Variants in FSTL1 observed in about 807,000 individuals in gnomAD.
The protein encoded by FSTL1 is follistatin-related protein 1.
A neutral mutation model predicts 45.9 loss-of-function variants in FSTL1; 24 were observed. The observed-to-expected ratio is 0.52, with a 90% CI of 0.38 to 0.74. The LOEUF (loss-of-function observed/expected upper bound fraction) is 0.74, where lower values mean the gene tolerates loss of function less well. Ranked by LOEUF, FSTL1 falls within the 30% of genes least tolerant of loss-of-function variation. The pLI, the probability that FSTL1 is intolerant of heterozygous loss-of-function variation, is 0.00. For missense variants in FSTL1, 340 were observed against 381.8 expected, an observed-to-expected ratio of 0.89 and a Z score of 0.91; for synonymous variants, 120 against 137.6, an observed-to-expected ratio of 0.87 and a Z score of 0.89.
intron 7 of FSTL1, among the ~76,000 whole-genome samples, chr3:120,403,942 A>C (rs1375867747): frequency 8.4e-6 from 1 of 119,356 alleles, no homozygotes; most frequent in African/African-American, 3.4e-5. Context: ...AAAAAAAAAA[A>C]AACAAAAACA....
intron 2 of FSTL1, among the ~76,000 whole-genome samples, chr3:120,426,820 G>A (rs1446356329): frequency 2.0e-5 from 3 of 151,994 alleles, no homozygotes; most frequent in African/African-American, 7.3e-5. Flanking sequence ...CTCTCTCCTG[G>A]GTGACTTCAT....
rs149959883 is a variant in FSTL1, at chr3:120,439,443, G to A, written c.63+11241C>T. Reference sequence around the variant, plus strand: ...ATGTCTATCATCTCTGCTTATCTATGAGGAAAATCCACAAAAACACAGAAC... The same window carrying A: ...ATGTCTATCATCTCTGCTTATCTATAAGGAAAATCCACAAAAACACAGAAC... On this transcript the variant is annotated intron_variant, in intron 2 of 10. Transcript: ENST00000295633. 3.3e-5 allele frequency among the ~76,000 whole-genome samples: 5 copies of A among 152,324 alleles called. No homozygotes were observed. In the East Asian group the frequency reaches 5.8e-4, roughly 18 times the overall value.
chr3:120,407,711 T>TATC (rs1936974273), intron 6 of FSTL1, among the ~76,000 whole-genome samples: 1 of 152,208 alleles, frequency 6.6e-6, no homozygotes, highest in Non-Finnish European at 1.5e-5. Context: ...AAGACTCTGA[T>TATC]AATCATCAAA....
chr3:120,430,684 T>C (rs990722128), intron 2 of FSTL1, among the ~76,000 whole-genome samples: 6 of 152,188 alleles, frequency 3.9e-5, no homozygotes, highest in African/African-American at 1.4e-4. Context: ...AACATGGAAA[T>C]AGATGAAATC....
chr3:120,440,984 C>G (rs2107671289), intron 2 of FSTL1, among the ~76,000 whole-genome samples: 1 of 152,314 alleles, frequency 6.6e-6, no homozygotes, highest in South Asian at 2.1e-4. Flanking sequence ...AGCAGCCCCT[C>G]CCTAGTGGGA....
chr3:120,423,991 A>G (rs1177051404), intron 2 of FSTL1: 2 of 152,240 alleles, frequency 1.3e-5, no homozygotes, highest in Admixed American at 6.5e-5. Flanking sequence ...TTGAAGGCCA[A>G]TGTAGAGAGT....
intron 2 of FSTL1, chr3:120,421,042 T>C (rs1937270439): frequency 6.6e-6 from 1 of 152,170 alleles, no homozygotes; most frequent in African/African-American, 2.4e-5. Flanking sequence ...TGCATCTGAG[T>C]CTCTGGGCCA....
In FSTL1 at chr3:120,403,338, C is replaced by T; in HGVS notation, c.598G>A (p.Ala200Thr). Reference protein sequence around the residue: ...NKLLRGLCVDALIELSDENAD... With the variant: ...NKLLRGLCVDTLIELSDENAD... ...TTTTCATCAGACAGTTCAATGAGAG[C>T]ATCAACACAGAGTCCCCTGAAACAA... The change falls in exon 8 of 11, where the codon GCT becomes ACT. Residue 200 changes from alanine (A) to threonine (T), a missense_variant. Coordinates refer to ENST00000295633, the MANE Select transcript of FSTL1 (RefSeq NM_007085.5). 6.2e-7 allele frequency: 1 copy of T among 1,603,810 alleles called. No homozygotes were observed. Among genetic ancestry groups the T allele is most frequent in the South Asian group, 1.1e-5 (1 of 90,864 alleles).
At chr3:120,438,190 G>T (rs1415116690) in intron 2 of FSTL1, 1 of 152,212 alleles carries the variant, frequency 6.6e-6, no homozygotes, top group Non-Finnish European at 1.5e-5. Context: ...GCGAGAAAAA[G>T]TTTTGTTTGC....
intron 9 of FSTL1, among the ~76,000 whole-genome samples, chr3:120,400,385 G>A (rs989552364): frequency 7.9e-5 from 12 of 152,244 alleles, no homozygotes; most frequent in African/African-American, 2.9e-4. Flanking sequence ...TTTAATTGAT[G>A]TGAGGTGAGA....
At position 120,415,872 on chromosome 3, in the gene FSTL1, T is replaced by TA. The variant is rs771037456; in HGVS notation, c.168+50dup. The TA allele has an allele frequency of 2.6e-5, 26 of 993,614 alleles. 1 individual carries two copies. The highest frequency in any genetic ancestry group is 4.0e-5 in the Non-Finnish European group (25 of 626,950). The allele number at this position is 993,614 out of a possible 1,614,324, so 61.5% of individuals were successfully genotyped here. A position where few individuals can be genotyped will look rare whatever the true frequency, so the allele number is the denominator to read the frequency against. On this transcript the variant is annotated intron_variant, in intron 3 of 10. Transcript: ENST00000295633. Reference sequence around the variant, plus strand: ...CCTGCTGATGGGTGGCTCCGCAAGGTACCACATTGGCCTTGGCCACTGTCC... The same window carrying TA: ...CCTGCTGATGGGTGGCTCCGCAAGGTAACCACATTGGCCTTGGCCACTGTCC...
intron 3 of FSTL1, among the ~76,000 whole-genome samples, chr3:120,412,946 C>T (rs1169294307): frequency 2.0e-5 from 3 of 151,750 alleles, no homozygotes; most frequent in Non-Finnish European, 2.9e-5. Flanking sequence ...CTTTGTTTTC[C>T]TCCTGATCTC....
intron 6 of FSTL1, among the ~76,000 whole-genome samples, chr3:120,407,314 G>A (rs1487373302): frequency 1.3e-5 from 2 of 152,192 alleles, no homozygotes; most frequent in Non-Finnish European, 2.9e-5. Context: ...CAGGGTAAAG[G>A]AGATAAGAAG....
rs1937595057 is a variant in FSTL1, at chr3:120,438,608, GTAGAATATTTTGACAGTCTAGCC to G, written c.63+12053_63+12075del. Reference sequence around the variant, plus strand: ...TAATCAAATATCCCAATTCCATTAAGTAGAATATTTTGACAGTCTAGCCTAGAATATCCGCCTCCTTTTATATG... The same window carrying G: ...TAATCAAATATCCCAATTCCATTAAGTAGAATATCCGCCTCCTTTTATATG... On this transcript the variant is annotated intron_variant, in intron 2 of 10. Transcript: ENST00000295633. 2.0e-5 allele frequency: 3 copies of G among 152,332 alleles called. No individual in the cohort carries two copies. The South Asian group carries it at 6.2e-4, about 32-fold the overall frequency. The allele number at this position is 152,332 out of a possible 1,614,324, so 9.4% of individuals were successfully genotyped here.
At chr3:120,433,407 T>C (rs1490800191) in intron 2 of FSTL1, among the ~76,000 whole-genome samples, 3 of 152,236 alleles carry the variant, frequency 2.0e-5, no homozygotes, top group Non-Finnish European at 4.4e-5. Context: ...GAGATGACTA[T>C]CATTAAGATA....
At chr3:120,449,318 A>G (rs530962878) in intron 2 of FSTL1, among the ~76,000 whole-genome samples, 1 of 152,350 alleles carries the variant, frequency 6.6e-6, no homozygotes, top group East Asian at 1.9e-4. Context: ...GGTAACGTAC[A>G]CAGCCCAGTG....
chr3:120,439,698 G>T (rs1937608565), intron 2 of FSTL1, among the ~76,000 whole-genome samples: 2 of 152,236 alleles, frequency 1.3e-5, no homozygotes, highest in South Asian at 2.1e-4. Flanking sequence ...CACTTGTGCA[G>T]TGAACAGTCT....
intron 9 of FSTL1, among the ~76,000 whole-genome samples, chr3:120,402,493 A>C (rs1002804314): frequency 6.6e-6 from 1 of 151,820 alleles, no homozygotes; most frequent in Non-Finnish European, 1.5e-5. Flanking sequence ...TTTAATTATT[A>C]TTCCATTATT....
Position 120,395,900 on chromosome 3 carries a change from C to G in FSTL1, c.*1052G>C. ...ATATCCTAAGCCCTGCTTGGCTGCC[C>G]TTGTCGCCATCCTTGGGAATACTGA... On this transcript the variant is annotated 3_prime_UTR_variant, in exon 11 of 11. Coordinates refer to ENST00000295633, the MANE Select transcript of FSTL1 (RefSeq NM_007085.5). The G allele has an allele frequency of 6.0e-6, 2 of 333,514 alleles. No individual in the cohort carries two copies. Among genetic ancestry groups the G allele is most frequent in the Non-Finnish European group, 1.2e-5 (2 of 171,262 alleles). 20.7% of individuals were successfully genotyped at this position (333,514 alleles called of 1,614,324 possible). A position where few individuals can be genotyped will look rare whatever the true frequency, so the allele number is the denominator to read the frequency against.
Sources: allele counts gnomAD v4.1 joint callset (sites outside exome capture counted in the v4.1 genomes callset), GRCh38; gene constraint gnomAD v4.1.1; transcripts MANE v1.5; gene names NCBI Gene and HGNC (gene_info 2026-07-23, HGNC 2026-07-21).